Variants in SORBS2 observed in about 807,000 individuals in gnomAD.
SORBS2 encodes sorbin and SH3 domain-containing protein 2.
In SORBS2, 46 loss-of-function variants were observed where a neutral mutation model predicts 97.7. The ratio of observed to expected loss-of-function variants is 0.47; its 90% CI spans 0.37 to 0.60. SORBS2 has a LOEUF of 0.60. Among genes scored for constraint, SORBS2 ranks in the 20% least tolerant of loss-of-function variants. The pLI, the probability that SORBS2 is intolerant of heterozygous loss-of-function variation, is 0.00. For synonymous variants in SORBS2, 476 were observed against 473.4 expected (o/e 1.01, Z -0.07); for missense variants, 1,316 against 1,282.3 (o/e 1.03, Z -0.40).
chr4:185,634,556 G>C (rs2096962416), intron 4 of SORBS2, among the ~76,000 whole-genome samples: 1 of 151,896 alleles, frequency 6.6e-6, no homozygotes, highest in South Asian at 2.1e-4. Context: ...ACTTTCTAAA[G>C]TAATTTTCTG....
intron 1 of SORBS2, among the ~76,000 whole-genome samples, chr4:185,900,482 AAGACTACT>A (rs2099247142): frequency 2.0e-5 from 3 of 152,198 alleles, no homozygotes; most frequent in African/African-American, 7.2e-5. Flanking sequence ...TAAAATAATG[AAGACTACT>A]AGGTTATAGA....
chr4:185,855,996 T>C (rs543698303), intron 1 of SORBS2, among the ~76,000 whole-genome samples: 79 of 152,208 alleles, frequency 5.2e-4, no homozygotes, highest in Non-Finnish European at 9.3e-4. Flanking sequence ...AAATGTTAAG[T>C]CAGGTATAAA....
At chr4:185,596,061 G>A (rs1471928448) in intron 12 of SORBS2, among the ~76,000 whole-genome samples, 2 of 152,104 alleles carry the variant, frequency 1.3e-5, no homozygotes, top group Non-Finnish European at 1.5e-5. Flanking sequence ...ATAAAGTTAT[G>A]AATAAGAAAA....
intron 1 of SORBS2, among the ~76,000 whole-genome samples, chr4:185,945,942 G>A (rs2099274295): frequency 6.6e-6 from 1 of 152,232 alleles, no homozygotes; most frequent in Non-Finnish European, 1.5e-5. Flanking sequence ...GCAGCTTCAT[G>A]GCAATGGGGC....
At chr4:185,599,337 G>T (rs978351053) in intron 12 of SORBS2, among the ~76,000 whole-genome samples, 1 of 152,200 alleles carries the variant, frequency 6.6e-6, no homozygotes, top group African/African-American at 2.4e-5. Context: ...AGAATTGATA[G>T]TAAGTACCAT....
At chr4:185,680,727 G>A (rs1053042621) in intron 2 of SORBS2, among the ~76,000 whole-genome samples, 1 of 152,150 alleles carries the variant, frequency 6.6e-6, no homozygotes, top group South Asian at 2.1e-4. Flanking sequence ...GCTTGGAGGT[G>A]CAAGGGTGCA....
At chr4:185,831,865 C>T (rs924561848) in intron 1 of SORBS2, among the ~76,000 whole-genome samples, 4 of 152,164 alleles carry the variant, frequency 2.6e-5, no homozygotes, top group Admixed American at 2.0e-4. Context: ...TCAACAAGAC[C>T]TCAATGCTGT....
At chr4:185,604,062 T>C (rs1455461373) in intron 12 of SORBS2, among the ~76,000 whole-genome samples, 1 of 152,204 alleles carries the variant, frequency 6.6e-6, no homozygotes, top group Non-Finnish European at 1.5e-5. Context: ...ATACCTTAAA[T>C]GTGATGCTTC....
At position 185,943,146 on chromosome 4, in the gene SORBS2, A is replaced by G. The variant is rs1358726408; in HGVS notation, c.-338+13050T>C. On this transcript the variant is annotated intron_variant, in intron 1 of 20. Coordinates refer to the SORBS2 transcript ENST00000284776. ...CTTCTAGGAGAAATAATTTCCTCATAGATCACGTTCAAACACATTCAGAAA... is the reference window on the plus strand; with the variant it reads ...CTTCTAGGAGAAATAATTTCCTCATGGATCACGTTCAAACACATTCAGAAA... Among the ~76,000 whole-genome samples, 3 of 152,380 alleles carry G rather than the reference A, an allele frequency of 2.0e-5. No homozygotes were observed. The East Asian group carries it at 5.8e-4, about 29-fold the overall frequency.
intron 1 of SORBS2, among the ~76,000 whole-genome samples, chr4:185,881,073 TA>T (rs1175767368): frequency 6.6e-6 from 1 of 152,162 alleles, no homozygotes; most frequent in African/African-American, 2.4e-5. Context: ...AGCTTGGATT[TA>T]AAAACTAGTA....
intron 1 of SORBS2, among the ~76,000 whole-genome samples, chr4:185,816,620 G>GCAGAC (rs1190464909): frequency 1.3e-5 from 2 of 152,146 alleles, no homozygotes; most frequent in Admixed American, 1.3e-4. Flanking sequence ...ATGCTGGAAA[G>GCAGAC]CAGACTGACC....
chr4:185,814,996 A>G (rs1193261713), intron 1 of SORBS2, among the ~76,000 whole-genome samples: 1 of 152,268 alleles, frequency 6.6e-6, no homozygotes, highest in Non-Finnish European at 1.5e-5. Context: ...TCCAAGAGAC[A>G]AATCTGATTT....
In SORBS2 at chr4:185,952,932, G is replaced by T. The variant is rs761612322; in HGVS notation, c.-338+3264C>A. 5.3e-5 allele frequency among the ~76,000 whole-genome samples: 8 copies of T among 152,266 alleles called. 1 individual carries two copies. The East Asian group carries it at 7.7e-4, about 15-fold the overall frequency. On this transcript the variant is annotated intron_variant, in intron 1 of 20. Coordinates refer to the SORBS2 transcript ENST00000284776. ...GTGTGTGTGTCACATTCCCATTAAG[G>T]TTACAGCCTGAGCTTCGAACTTCAT... is the stretch of plus-strand genomic sequence containing the variant.
At chr4:185,751,346 C>T (rs1018165427) in intron 2 of SORBS2, among the ~76,000 whole-genome samples, 12 of 151,574 alleles carry the variant, frequency 7.9e-5, no homozygotes, top group South Asian at 6.3e-4. Flanking sequence ...AAGGGCAAAC[C>T]GAAACGAGAC....
chr4:185,912,358 G>A (rs577808864), intron 1 of SORBS2, among the ~76,000 whole-genome samples: 1 of 152,140 alleles, frequency 6.6e-6, no homozygotes, highest in South Asian at 2.1e-4. Context: ...GCCGAGGCGG[G>A]TGGATCATCT....
upstream of SORBS2, among the ~76,000 whole-genome samples, chr4:185,660,904 G>A (rs1435725274): frequency 6.6e-6 from 1 of 152,142 alleles, no homozygotes; most frequent in African/African-American, 2.4e-5. Flanking sequence ...AACTTGTACA[G>A]CCTGAATTCC....
At chr4:185,586,682 TTACC>T (rs1467818863) in exon 15 of SORBS2, 1 of 152,666 alleles carries the variant, frequency 6.6e-6, no homozygotes, top group African/African-American at 2.4e-5. Flanking sequence ...CAGTGAAATC[TTACC>T]TACTAGTATT....
chr4:185,942,714 A>T (rs2099272721), intron 1 of SORBS2, among the ~76,000 whole-genome samples: 1 of 152,058 alleles, frequency 6.6e-6, no homozygotes, highest in Non-Finnish European at 1.5e-5. Flanking sequence ...AACAATTTCC[A>T]CCTTTGCCCC....
At chr4:185,782,264 G>A (rs2099034879) in intron 1 of SORBS2, among the ~76,000 whole-genome samples, 1 of 152,206 alleles carries the variant, frequency 6.6e-6, no homozygotes, top group African/African-American at 2.4e-5. Flanking sequence ...ACATTGCTTT[G>A]TAGCTACATA....
Sources: allele counts gnomAD v4.1 joint callset (sites outside exome capture counted in the v4.1 genomes callset), GRCh38; gene constraint gnomAD v4.1.1; transcripts MANE v1.5; gene names NCBI Gene and HGNC (gene_info 2026-07-23, HGNC 2026-07-21).